Variants in ST6GALNAC3 observed in about 807,000 individuals in gnomAD.
ST6GALNAC3 encodes alpha-N-acetylgalactosaminide alpha-2,6-sialyltransferase 3.
A neutral mutation model predicts 32.7 loss-of-function variants in ST6GALNAC3; 25 were observed. The observed-to-expected ratio is 0.76, with a 90% CI of 0.56 to 1.07. The LOEUF (loss-of-function observed/expected upper bound fraction) is 1.07. ST6GALNAC3 is among the 50% of genes least tolerant of loss of function. The pLI, the probability that ST6GALNAC3 is intolerant of heterozygous loss-of-function variation, is 0.00. For missense variants in ST6GALNAC3, 355 were observed against 382.4 expected, an observed-to-expected ratio of 0.93 and a Z score of 0.60; for synonymous variants, 129 against 133.1, an observed-to-expected ratio of 0.97 and a Z score of 0.21.
At chr1:76,266,945 C>T (rs748641822) in intron 1 of ST6GALNAC3, among the ~76,000 whole-genome samples, 2 of 152,150 alleles carry the variant, frequency 1.3e-5, no homozygotes, top group Non-Finnish European at 2.9e-5. Flanking sequence ...AAAGGATATG[C>T]GGATATGCTC....
At chr1:76,075,845 G>C (rs1363060478) in intron 1 of ST6GALNAC3, among the ~76,000 whole-genome samples, 1 of 152,184 alleles carries the variant, frequency 6.6e-6, no homozygotes, top group Non-Finnish European at 1.5e-5. Flanking sequence ...GGGGAACTGT[G>C]TGACGATGGA....
At chr1:76,593,515 A>G (rs1647081926) in intron 3 of ST6GALNAC3, among the ~76,000 whole-genome samples, 2 of 152,214 alleles carry the variant, frequency 1.3e-5, no homozygotes, top group African/African-American at 4.8e-5. Context: ...TGGACAGGGC[A>G]GAATTTTGAG....
intron 1 of ST6GALNAC3, among the ~76,000 whole-genome samples, chr1:76,179,991 C>A (rs1653076279): frequency 6.6e-6 from 1 of 152,182 alleles, no homozygotes; most frequent in South Asian, 2.1e-4. Flanking sequence ...CCTTACCATG[C>A]TTTACTTTTC....
chr1:76,229,133 A>T (rs1365981374), intron 1 of ST6GALNAC3, among the ~76,000 whole-genome samples: 3 of 152,162 alleles, frequency 2.0e-5, no homozygotes, highest in Non-Finnish European at 4.4e-5. Context: ...CCCGCCCAGG[A>T]AACTGACTCC....
intron 1 of ST6GALNAC3, among the ~76,000 whole-genome samples, chr1:76,207,773 C>A (rs1654902522): frequency 6.6e-6 from 1 of 152,222 alleles, no homozygotes; most frequent in African/African-American, 2.4e-5. Context: ...GGTGGTTACC[C>A]ACAACCCCCA....
rs537830313 is a variant in ST6GALNAC3 at position 76,528,340 on chromosome 1, C to T, written c.624-99112C>T. On this transcript the variant is annotated intron_variant, in intron 3 of 4. Coordinates refer to ENST00000328299, the MANE Select transcript of ST6GALNAC3 (RefSeq NM_152996.4). ...ACACTGACACTCAGAGAGATTGAGA[C>T]GCTTGCCTAAGGTCACACAGTTAGT... is the stretch of plus-strand genomic sequence containing the variant. Among the ~76,000 whole-genome samples the T allele has an allele frequency of 9.2e-5, 14 of 152,256 alleles. No individual in the cohort carries two copies. The South Asian group carries it at 1.7e-3, about 18-fold the overall frequency.
At chr1:76,374,724 G>GTTATTTACCTAT (rs1651085638) in intron 2 of ST6GALNAC3, among the ~76,000 whole-genome samples, 2 of 152,036 alleles carry the variant, frequency 1.3e-5, no homozygotes, top group African/African-American at 4.8e-5. Context: ...CATCTTACAT[G>GTTATTTACCTAT]TTATTTACCT....
intron 2 of ST6GALNAC3, among the ~76,000 whole-genome samples, chr1:76,369,534 TCACA>T (rs2101075350): frequency 6.6e-6 from 1 of 152,136 alleles, no homozygotes; most frequent in East Asian, 1.9e-4. Flanking sequence ...TTGCCTAAAG[TCACA>T]CAGCTAGTAA....
chr1:76,232,057 T>G (rs1257532594), intron 1 of ST6GALNAC3, among the ~76,000 whole-genome samples: 2 of 152,182 alleles, frequency 1.3e-5, no homozygotes, highest in Non-Finnish European at 2.9e-5. Flanking sequence ...GTCGTATGGT[T>G]TGGACAAACA....
At chr1:76,520,622 T>C (rs1389094157) in intron 3 of ST6GALNAC3, among the ~76,000 whole-genome samples, 1 of 152,182 alleles carries the variant, frequency 6.6e-6, no homozygotes, top group Non-Finnish European at 1.5e-5. Context: ...GAGGCTCTTT[T>C]ATCTGCATGG....
At chr1:76,231,475 C>G (rs1415996840) in intron 1 of ST6GALNAC3, among the ~76,000 whole-genome samples, 1 of 152,036 alleles carries the variant, frequency 6.6e-6, no homozygotes, top group African/African-American at 2.4e-5. Context: ...AACTCTATAC[C>G]CAGTAAACAA....
chr1:76,167,012 T>C (rs1652164704), intron 1 of ST6GALNAC3, among the ~76,000 whole-genome samples: 1 of 152,164 alleles, frequency 6.6e-6, no homozygotes. Context: ...CTTGCCTGAT[T>C]GATCTGGCCA....
intron 3 of ST6GALNAC3, among the ~76,000 whole-genome samples, chr1:76,526,764 T>C (rs1182946963): frequency 6.6e-6 from 1 of 152,124 alleles, no homozygotes; most frequent in Non-Finnish European, 1.5e-5. Context: ...GCTTTAAAAA[T>C]ATGATCCTTT....
rs868150567 is a variant in ST6GALNAC3 at position 76,494,462 on chromosome 1, T to C, written c.623+82045T>C. 6.5e-4 allele frequency among the ~76,000 whole-genome samples: 57 copies of C among 87,836 alleles called. 3 individuals carry two copies. Among genetic ancestry groups the C allele is most frequent in the Non-Finnish European group, 7.9e-4 (36 of 45,482 alleles). 57.6% of individuals were successfully genotyped at this position (87,836 alleles called of 152,430 possible). A position where few individuals can be genotyped will look rare whatever the true frequency, so the allele number is the denominator to read the frequency against. ...ATATATATATATATATATATATATA[T>C]ATATATACACACACACACACACACT... On this transcript the variant is annotated intron_variant, in intron 3 of 4. Coordinates refer to ENST00000328299, the MANE Select transcript of ST6GALNAC3 (RefSeq NM_152996.4).
At chr1:76,488,079 A>C (rs996125802) in intron 3 of ST6GALNAC3, among the ~76,000 whole-genome samples, 16 of 152,280 alleles carry the variant, frequency 1.1e-4, no homozygotes, top group Admixed American at 5.9e-4. Context: ...AGAGTGATAT[A>C]GTCTGGATAT....
intron 1 of ST6GALNAC3, among the ~76,000 whole-genome samples, chr1:76,271,301 G>C (rs1481863567): frequency 2.0e-5 from 3 of 152,176 alleles, no homozygotes; most frequent in Non-Finnish European, 2.9e-5. Context: ...AGAGAATCCG[G>C]TCTCCGTTTT....
At chr1:76,554,867 A>G (rs1004408267) in intron 3 of ST6GALNAC3, among the ~76,000 whole-genome samples, 1 of 152,186 alleles carries the variant, frequency 6.6e-6, no homozygotes, top group African/African-American at 2.4e-5. Context: ...TACATGCAAG[A>G]CTTACTAAAT....
At chr1:76,466,244 A>G (rs1344304329) in intron 3 of ST6GALNAC3, among the ~76,000 whole-genome samples, 1 of 152,102 alleles carries the variant, frequency 6.6e-6, no homozygotes, top group Non-Finnish European at 1.5e-5. Flanking sequence ...ATGAACTTGT[A>G]TCAGCTCCCC....
chr1:76,202,109 A>C (rs1343971069), intron 1 of ST6GALNAC3, among the ~76,000 whole-genome samples: 1 of 152,070 alleles, frequency 6.6e-6, no homozygotes, highest in Non-Finnish European at 1.5e-5. Context: ...TTCTGGCTAC[A>C]ATCGGAAGGG....
Sources: allele counts gnomAD v4.1 joint callset (sites outside exome capture counted in the v4.1 genomes callset), GRCh38; gene constraint gnomAD v4.1.1; transcripts MANE v1.5; gene names NCBI Gene and HGNC (gene_info 2026-07-23, HGNC 2026-07-21).